The following SRGAP2C variants were observed in gnomAD, a reference collection of about 807,000 sequenced individuals.
SRGAP2C encodes SLIT-ROBO Rho GTPase activating protein 2C.
In SRGAP2C, 15 loss-of-function variants were observed where a neutral mutation model predicts 25.1. The ratio of observed to expected loss-of-function variants is 0.60; its 90% CI spans 0.40 to 0.92. SRGAP2C has a LOEUF of 0.92. Among genes scored for constraint, SRGAP2C ranks in the 40% least tolerant of loss-of-function variants. SRGAP2C has a pLI of 0.00. For synonymous variants in SRGAP2C, 44 were observed against 96.6 expected (o/e 0.46, Z 3.19); for missense variants, 144 against 264.4 (o/e 0.54, Z 3.16).
chr1:121,255,244 TAGGG>T (rs1417083971), intron 2 of SRGAP2C, among the ~76,000 whole-genome samples: 2 of 150,460 alleles, frequency 1.3e-5, no homozygotes, highest in African/African-American at 4.9e-5. Flanking sequence ...TTAAGGCTTC[TAGGG>T]GAACTCTTCA....
chr1:121,348,393 GAA>G (rs1553344646), intron 4 of SRGAP2C, among the ~76,000 whole-genome samples: 1 of 145,888 alleles, frequency 6.9e-6, no homozygotes, highest in Admixed American at 6.9e-5. Context: ...TTTGCCCTTT[GAA>G]CTGCCAACAA....
chr1:121,336,069 G>T (rs1477431876), intron 4 of SRGAP2C, among the ~76,000 whole-genome samples: 1 of 151,552 alleles, frequency 6.6e-6, no homozygotes, highest in African/African-American at 2.4e-5. Context: ...GGCCTTTCTG[G>T]GGTTTCCATG....
intron 7 of SRGAP2C, among the ~76,000 whole-genome samples, chr1:121,378,492 A>G (rs1553353967): frequency 6.6e-6 from 1 of 150,640 alleles, no homozygotes; most frequent in African/African-American, 2.5e-5. Context: ...TGTGTCTGGC[A>G]TCTTTTGCCA....
intron 2 of SRGAP2C, among the ~76,000 whole-genome samples, chr1:121,227,501 G>C (rs1570720085): frequency 2.6e-5 from 4 of 151,796 alleles, no homozygotes; most frequent in Admixed American, 2.6e-4. Context: ...CCCCAAACAA[G>C]TGCTAATGTC....
chr1:121,324,451 C>A (rs1658275026), intron 3 of SRGAP2C, 27 bp from the exon 4 acceptor site: 2 of 1,608,388 alleles, frequency 1.2e-6, no homozygotes, highest in Admixed American at 3.3e-5. Flanking sequence ...TCAACAATGA[C>A]TTCTTTTCCT....
chr1:121,350,830 A>AT (rs1297113865), intron 4 of SRGAP2C, among the ~76,000 whole-genome samples: 1 of 150,522 alleles, frequency 6.6e-6, no homozygotes, highest in African/African-American at 2.4e-5. Context: ...GAGAAAAGGT[A>AT]TTTTCAAATC....
chr1:121,266,482 C>T (rs1553334298), intron 2 of SRGAP2C, among the ~76,000 whole-genome samples: 1 of 151,840 alleles, frequency 6.6e-6, no homozygotes, highest in Non-Finnish European at 1.5e-5. Flanking sequence ...AGGCTCTAAA[C>T]TGCCCAATTA....
chr1:121,208,869 T>A (rs1655181867), intron 2 of SRGAP2C, among the ~76,000 whole-genome samples: 2 of 152,064 alleles, frequency 1.3e-5, no homozygotes, highest in Non-Finnish European at 2.9e-5. Flanking sequence ...CGTCATCTGC[T>A]AATTTCACAG....
intron 4 of SRGAP2C, among the ~76,000 whole-genome samples, chr1:121,329,905 T>C (rs1203325886): frequency 1.3e-5 from 2 of 152,002 alleles, no homozygotes; most frequent in Non-Finnish European, 2.9e-5. Context: ...TCTCCTTTCA[T>C]GTAATGAAAG....
intron 2 of SRGAP2C, among the ~76,000 whole-genome samples, chr1:121,217,061 T>TA (rs1553324825): frequency 1.3e-5 from 2 of 151,384 alleles, no homozygotes; most frequent in Non-Finnish European, 2.9e-5. Context: ...TTCTTGCTGA[T>TA]ACCTGACTTA....
Position 121,239,199 on chromosome 1 carries a change from TATATATATATATATATA to T in SRGAP2C, c.68-45603_68-45587del. On this transcript the variant is annotated intron_variant, in intron 2 of 9. Transcript: ENST00000367123. ...CAGACTATATATATATATATATATA[TATATATATATATATATA>T]TATATATATATACTATATATATATA... Among the ~76,000 whole-genome samples, 13 of 3,838 alleles carry T rather than the reference TATATATATATATATATA, an allele frequency of 3.4e-3. 1 individual carries two copies. Among genetic ancestry groups the T allele is most frequent in the African/African-American group, 0.027 (13 of 476 alleles). 2.5% of individuals were successfully genotyped at this position (3,838 alleles called of 152,430 possible).
intron 4 of SRGAP2C, among the ~76,000 whole-genome samples, chr1:121,345,612 G>T: frequency 6.7e-6 from 1 of 150,280 alleles, no homozygotes; most frequent in Admixed American, 6.6e-5. Flanking sequence ...ATTTTTTATA[G>T]ATTAACAGGC....
chr1:121,306,970 CT>C (rs1657855805), intron 3 of SRGAP2C, among the ~76,000 whole-genome samples: 1 of 151,130 alleles, frequency 6.6e-6, no homozygotes, highest in Non-Finnish European at 1.5e-5. Context: ...TTCTGTTATT[CT>C]TTTTTTTGTT....
intron 4 of SRGAP2C, among the ~76,000 whole-genome samples, chr1:121,335,390 A>ATC (rs1276825116): frequency 0.016 from 2,343 of 142,554 alleles, 35 homozygotes; most frequent in Non-Finnish European, 0.026. Flanking sequence ...AAATAAATAA[A>ATC]ACAACCAATT....
intron 2 of SRGAP2C, among the ~76,000 whole-genome samples, chr1:121,213,043 A>T (rs1655305400): frequency 6.9e-6 from 1 of 144,656 alleles, no homozygotes; most frequent in East Asian, 2.0e-4. Flanking sequence ...TTAGTTTTCT[A>T]ATTTTTTTTT....
chr1:121,191,685 C>A (rs1177583700), intron 2 of SRGAP2C, among the ~76,000 whole-genome samples: 2 of 152,048 alleles, frequency 1.3e-5, no homozygotes, highest in Non-Finnish European at 2.9e-5. Context: ...ATACACATGA[C>A]TGTAATGACT....
chr1:121,191,383 T>G (rs1286226563), intron 2 of SRGAP2C, among the ~76,000 whole-genome samples: 1 of 152,042 alleles, frequency 6.6e-6, no homozygotes, highest in Non-Finnish European at 1.5e-5. Context: ...TATACTGCTT[T>G]TAAAATTTGT....
chr1:121,347,380 A>AT lies in SRGAP2C; in HGVS notation c.424-17912dup, dbSNP rs1328284014. Among the ~76,000 whole-genome samples, 9 of 126,000 alleles carry AT rather than the reference A, an allele frequency of 7.1e-5. No individual in the cohort carries two copies. In the Admixed American group the frequency reaches 7.6e-4, roughly 11 times the overall value. 82.7% of individuals were successfully genotyped at this position (126,000 alleles called of 152,430 possible). On this transcript the variant is annotated intron_variant, in intron 4 of 9. Transcript: ENST00000367123. Reference sequence around the variant, plus strand: ...TACTGATGAGTCCAAAAATATAGAGATAAAATTTTGTCTTTTTTCTTGCTT... The same window carrying AT: ...TACTGATGAGTCCAAAAATATAGAGATTAAAATTTTGTCTTTTTTCTTGCTT...
intron 3 of SRGAP2C, among the ~76,000 whole-genome samples, chr1:121,295,852 C>T (rs1657587827): frequency 6.6e-6 from 1 of 152,024 alleles, no homozygotes; most frequent in African/African-American, 2.4e-5. Context: ...TCCTCTGCCT[C>T]CCAGGTTCAA....
Sources: gnomAD v4.1 joint callset for allele counts (sites outside exome capture counted in the v4.1 genomes callset) on GRCh38, gnomAD v4.1.1 for gene constraint, MANE v1.5 for transcripts, NCBI Gene and HGNC (gene_info 2026-07-23, HGNC 2026-07-21) for gene names.